The following NT5DC1 variants were observed in gnomAD, a reference collection of about 807,000 sequenced individuals.
NT5DC1 encodes 5'-nucleotidase domain-containing protein 1.
NT5DC1 carries 42 observed loss-of-function variants against 59.4 expected under a neutral mutation model. The ratio of observed to expected loss-of-function variants is 0.71; its 90% CI spans 0.55 to 0.92. The LOEUF (loss-of-function observed/expected upper bound fraction) is 0.92, where lower values mean the gene tolerates loss of function less well. NT5DC1 is among the 40% of genes least tolerant of loss of function. The pLI is 0.00. For synonymous variants in NT5DC1, 172 were observed against 188.1 expected, an observed-to-expected ratio of 0.91 and a Z score of 0.70; for missense variants, 501 against 537.1, an observed-to-expected ratio of 0.93 and a Z score of 0.66.
chr6:116,208,043 TAAATA>T (rs1254512370), intron 6 of NT5DC1, among the ~76,000 whole-genome samples: 1 of 151,964 alleles, frequency 6.6e-6, no homozygotes, highest in East Asian at 1.9e-4. Flanking sequence ...TTTCGTTTGT[TAAATA>T]ATTGAGCACT....
intron 6 of NT5DC1, among the ~76,000 whole-genome samples, chr6:116,131,222 A>C (rs953812873): frequency 2.0e-5 from 3 of 152,208 alleles, no homozygotes; most frequent in Admixed American, 6.5e-5. Flanking sequence ...ACCAAGAGCC[A>C]ATATAAGCCA....
chr6:116,119,571 G>A (rs541962874), intron 6 of NT5DC1: 2 of 159,948 alleles, frequency 1.3e-5, no homozygotes, highest in Admixed American at 1.2e-4. Flanking sequence ...TATTTTAGGG[G>A]ATACAGTGTC....
At chr6:116,201,629 C>T (rs1781348506) in intron 6 of NT5DC1, among the ~76,000 whole-genome samples, 1 of 151,936 alleles carries the variant, frequency 6.6e-6, no homozygotes, top group African/African-American at 2.4e-5. Flanking sequence ...CATGTGCTTA[C>T]TATTATTTAG....
intron 6 of NT5DC1, among the ~76,000 whole-genome samples, chr6:116,150,712 G>A (rs1324323007): frequency 2.6e-5 from 4 of 152,070 alleles, no homozygotes; most frequent in Non-Finnish European, 5.9e-5. Flanking sequence ...TTGTAAGCTA[G>A]TTTTTATTTG....
At chr6:116,125,396 C>T in intron 6 of NT5DC1, 1 of 1,613,620 alleles carries the variant, frequency 6.2e-7, no homozygotes, top group Non-Finnish European at 8.5e-7. Flanking sequence ...GGTAGTGGGC[C>T]TTTTATGCCT....
chr6:116,229,684 G>C (rs890696914), intron 8 of NT5DC1, among the ~76,000 whole-genome samples: 10 of 152,174 alleles, frequency 6.6e-5, no homozygotes, highest in African/African-American at 2.4e-4. Flanking sequence ...ATTATCATTG[G>C]AGAGGGAACG....
intron 11 of NT5DC1, 113 bp downstream of exon 11, chr6:116,239,236 G>T: frequency 1.2e-6 from 1 of 824,768 alleles, no homozygotes; most frequent in Non-Finnish European, 1.9e-6. Flanking sequence ...TTTATCTTTG[G>T]GGAAAAATCT....
chr6:116,223,004 TAAAC>T (rs762529263), intron 7 of NT5DC1, 26 bp from the exon 8 acceptor site: 6 of 1,195,480 alleles, frequency 5.0e-6, no homozygotes, highest in Non-Finnish European at 7.4e-6. Flanking sequence ...ATTCTTAAAA[TAAAC>T]TTATGAAAAA....
intron 11 of NT5DC1, among the ~76,000 whole-genome samples, chr6:116,242,086 C>T (rs1771743944): frequency 6.6e-6 from 1 of 151,732 alleles, no homozygotes; most frequent in Non-Finnish European, 1.5e-5. Context: ...TAACAATACC[C>T]GGCAGGGCAC....
chr6:116,139,822 A>C (rs1409575181), intron 6 of NT5DC1, among the ~76,000 whole-genome samples: 3 of 152,182 alleles, frequency 2.0e-5, no homozygotes, highest in Non-Finnish European at 4.4e-5. Context: ...CCATTTGTAT[A>C]AAAGTTGTGT....
At chr6:116,207,370 C>A (rs368611197) in intron 6 of NT5DC1, among the ~76,000 whole-genome samples, 6 of 151,304 alleles carry the variant, frequency 4.0e-5, no homozygotes, top group Admixed American at 6.6e-5. Flanking sequence ...AGAGAGAAAG[C>A]AAAAAAAATC....
At chr6:116,110,432 T>C (rs1015431693) in intron 3 of NT5DC1, among the ~76,000 whole-genome samples, 2 of 152,232 alleles carry the variant, frequency 1.3e-5, no homozygotes, top group South Asian at 2.1e-4. Flanking sequence ...CTGTGCCTCC[T>C]ATGGGCCCGA....
chr6:116,203,983 C>T (rs894132790), intron 6 of NT5DC1, among the ~76,000 whole-genome samples: 2 of 151,858 alleles, frequency 1.3e-5, no homozygotes, highest in Admixed American at 1.3e-4. Context: ...ACACGGTGAT[C>T]ATCAAATATA....
At chr6:116,147,007 A>ATG (rs1205564203) in intron 6 of NT5DC1, among the ~76,000 whole-genome samples, 1 of 148,094 alleles carries the variant, frequency 6.8e-6, no homozygotes, top group African/African-American at 2.5e-5. Context: ...TAAAATATAT[A>ATG]TATATATTTT....
chr6:116,197,131 G>A (rs969832469), intron 6 of NT5DC1, among the ~76,000 whole-genome samples: 32 of 151,744 alleles, frequency 2.1e-4, no homozygotes, highest in Admixed American at 6.6e-5. Context: ...TTTGTAGTGG[G>A]CCAGCTGCCC....
At chr6:116,210,656 C>T (rs1327296714) in intron 6 of NT5DC1, among the ~76,000 whole-genome samples, 1 of 151,842 alleles carries the variant, frequency 6.6e-6, no homozygotes, top group African/African-American at 2.4e-5. Flanking sequence ...CAAAAATAAG[C>T]ACTCAGATTA....
intron 8 of NT5DC1, among the ~76,000 whole-genome samples, chr6:116,224,722 G>A (rs1462863669): frequency 6.6e-6 from 1 of 152,248 alleles, no homozygotes. Flanking sequence ...AGGGGGTGAA[G>A]TTAGGGAGGC....
At chr6:116,119,487 A>G (rs555616424) in intron 6 of NT5DC1, 1 of 152,958 alleles carries the variant, frequency 6.5e-6, no homozygotes, top group Non-Finnish European at 1.5e-5. Flanking sequence ...TAACAAGTAT[A>G]TATGCACCTG....
intron 6 of NT5DC1, among the ~76,000 whole-genome samples, chr6:116,166,728 A>G (rs778825907): frequency 3.9e-5 from 6 of 152,220 alleles, no homozygotes; most frequent in Admixed American, 2.6e-4. Flanking sequence ...AATTTCTACT[A>G]AAGTTTCAGA....
Sources: allele counts gnomAD v4.1 joint callset (sites outside exome capture counted in the v4.1 genomes callset), GRCh38; gene constraint gnomAD v4.1.1; transcripts MANE v1.5; gene names NCBI Gene and HGNC (gene_info 2026-07-23, HGNC 2026-07-21).